Variants in TRRAP observed in about 807,000 individuals in gnomAD.
TRRAP encodes transformation/transcription domain-associated protein.
TRRAP carries 41 observed loss-of-function variants against 438.8 expected under a neutral mutation model. That is an observed-to-expected ratio of 0.09 (90% CI 0.07 to 0.12). The LOEUF (loss-of-function observed/expected upper bound fraction) is 0.12. Ranked by LOEUF, TRRAP falls within the 10% of genes least tolerant of loss-of-function variation. The probability of loss-of-function intolerance (pLI) is 1.00; values close to 1 mark genes in which losing one functional copy is unlikely to be tolerated. For missense variants in TRRAP, 3,122 were observed against 5,055.1 expected (o/e 0.62, Z 11.60); for synonymous variants, 1,994 against 1,962.9 (o/e 1.02, Z -0.42).
chr7:98,992,150 A>G lies in TRRAP; in HGVS notation c.9770A>G (p.Tyr3257Cys). 1.2e-6 allele frequency: 2 copies of G among 1,614,250 alleles called. No homozygotes were observed. The highest frequency in any genetic ancestry group is 1.1e-5 in the South Asian group (1 of 91,090). Residue 3257 changes from tyrosine to cysteine, a missense_variant, in exon 65 of 73, where the codon TAT becomes TGT. This residue lies in a region of TRRAP where 107 missense variants were observed against 327.5 expected (regional missense o/e 0.33). Coordinates refer to ENST00000456197, the MANE Select transcript of TRRAP (RefSeq NM_001375524.1). The part of the protein sequence containing the change: ...LNLISQVGRV[Y>C]PQAVYFPIRT... ...GTCTCTGAGCAGGTTGGACGCGTGT[A>G]TCCCCAAGCGGTCTACTTTCCCATC...
intron 67 of TRRAP, among the ~76,000 whole-genome samples, chr7:98,995,811 G>A (rs970199800): frequency 4.2e-5 from 6 of 141,780 alleles, no homozygotes; most frequent in East Asian, 2.2e-4. Flanking sequence ...CTACACACCC[G>A]CGTCCCATCT....
intron 45 of TRRAP, among the ~76,000 whole-genome samples, chr7:98,960,245 A>G (rs1318186915): frequency 2.0e-5 from 3 of 152,106 alleles, no homozygotes; most frequent in Non-Finnish European, 4.4e-5. Flanking sequence ...TAATTATCTT[A>G]TTTTGGTGGC....
intron 62 of TRRAP, among the ~76,000 whole-genome samples, chr7:98,987,551 A>T (rs1793205272): frequency 6.6e-6 from 1 of 152,182 alleles, no homozygotes; most frequent in Non-Finnish European, 1.5e-5. Flanking sequence ...TAGATTTCTC[A>T]ACCTTGCTGA....
chr7:98,930,704 T>C lies in TRRAP; in HGVS notation c.3465T>C (p.Tyr1155=), dbSNP rs1554412654. The C allele has an allele frequency of 2.5e-6, 4 of 1,614,246 alleles. No individual in the cohort carries two copies. The highest frequency in any genetic ancestry group is 1.1e-5 in the South Asian group (1 of 91,088). ...LCACCYEQAW[Y]AKLGGVVSIK... is the part of the protein sequence containing the mutation. ...CATGTTGTTATGAACAGGCGTGGTA[T>C]GCAAAGCTGGGGGGTGTGGTGTCTA... Residue 1155 remains tyrosine, a synonymous_variant, in exon 25 of 73, where the codon TAT becomes TAC. Coordinates refer to ENST00000456197, the MANE Select transcript of TRRAP (RefSeq NM_001375524.1).
chr7:98,921,664 C>T, intron 20 of TRRAP, 89 bp from the exon 21 acceptor site: 1 of 1,555,050 alleles, frequency 6.4e-7, no homozygotes, highest in East Asian at 2.3e-5. Flanking sequence ...GCATGAGCCA[C>T]TACGCCTGGC....
chr7:98,913,920 A>G (rs1187725988), intron 18 of TRRAP, among the ~76,000 whole-genome samples: 1 of 152,220 alleles, frequency 6.6e-6, no homozygotes, highest in African/African-American at 2.4e-5. Flanking sequence ...AGAAAATTGA[A>G]TATGTCAAAA....
chr7:98,930,653 T>C lies in TRRAP; in HGVS notation c.3414T>C (p.Phe1138=). 3.7e-6 allele frequency: 6 copies of C among 1,613,950 alleles called. No individual in the cohort carries two copies. Among genetic ancestry groups the C allele is most frequent in the Non-Finnish European group, 5.1e-6 (6 of 1,180,018 alleles). Residue 1138 remains phenylalanine, a synonymous_variant, in exon 25 of 73, where the codon TTT becomes TTC. Transcript: ENST00000456197. ...TCCAGGCCTGCCAGCTGCCCCTGTT[T>C]TCTTACATCGTGGAGCGCCTGTGTG... The part of the protein sequence containing the change: ...SKERACQLPL[F]SYIVERLCAC...
intron 8 of TRRAP, 34 bp downstream of exon 8, chr7:98,897,900 C>T (rs781891918): frequency 6.2e-7 from 1 of 1,611,402 alleles, no homozygotes; most frequent in Non-Finnish European, 8.5e-7. Context: ...CTACCCGTGG[C>T]TCCTGTAGTT....
Position 98,993,521 on chromosome 7 carries a change from G to T in TRRAP, c.9848-17G>T, listed in dbSNP as rs1215788953. The stretch of plus-strand genomic sequence containing the variant: ...TCGGTTTTGCGCTGACACTGGCGTT[G>T]TGTGTGTTGCTCTCAGATTCTGGAC... On this transcript the variant is annotated splice_polypyrimidine_tract_variant and intron_variant, in intron 65 of 72. Transcript: ENST00000456197. 6.2e-7 allele frequency: 1 copy of T among 1,606,518 alleles called. No homozygotes were observed. Among genetic ancestry groups the T allele is most frequent in the African/African-American group, 1.3e-5 (1 of 75,048 alleles).
chr7:98,891,622 G>A (rs1179660784), intron 4 of TRRAP, among the ~76,000 whole-genome samples: 3 of 146,316 alleles, frequency 2.1e-5, no homozygotes, highest in Non-Finnish European at 3.0e-5. Context: ...TGCGAGCTCC[G>A]CCTCCCGGGT....
At position 98,910,258 on chromosome 7, in the gene TRRAP, C is replaced by CCCCCCCTT; in HGVS notation, c.1553_1554insCCCCCCTT (p.Val519ProfsTer4). On this transcript the variant is annotated frameshift_variant, in exon 15 of 73. Coordinates refer to ENST00000456197, the MANE Select transcript of TRRAP (RefSeq NM_001375524.1). LOFTEE classifies it high-confidence loss of function. ...CCGCCCCCACCCCCACCTGCCACCC[C>CCCCCCCTT]TGTGACCCCGGCCCCCGTGCCTCCC... is the stretch of plus-strand genomic sequence containing the variant. 6.3e-7 allele frequency: 1 copy of CCCCCCCTT among 1,577,500 alleles called. No individual in the cohort carries two copies.
At chr7:99,002,001 A>G (rs1248976114) in intron 67 of TRRAP, among the ~76,000 whole-genome samples, 3 of 152,174 alleles carry the variant, frequency 2.0e-5, no homozygotes, top group Non-Finnish European at 4.4e-5. Flanking sequence ...CCTCCAGGAA[A>G]TCATGCTGAG....
intron 67 of TRRAP, among the ~76,000 whole-genome samples, chr7:98,997,817 T>C (rs1347939845): frequency 3.9e-5 from 6 of 152,206 alleles, no homozygotes; most frequent in Non-Finnish European, 8.8e-5. Context: ...TGAATCGAAC[T>C]TAAATTCTTC....
Position 98,967,061 on chromosome 7 carries a change from G to A in TRRAP, c.7197G>A (p.Lys2399=). The A allele has an allele frequency of 6.2e-7, 1 of 1,613,888 alleles. No individual in the cohort carries two copies. The highest frequency in any genetic ancestry group is 1.1e-5 in the South Asian group (1 of 91,044). ...AANQTPTLRE[K]SILLVKMMTY... ...TACAGACACCTACACTCCGGGAGAA[G>A]TCCATTTTGCTTGTGAAGATGATGA... The change falls in exon 50 of 73, where the codon AAG becomes AAA. Residue 2399 remains lysine (K), a synonymous_variant. Coordinates refer to ENST00000456197, the MANE Select transcript of TRRAP (RefSeq NM_001375524.1).
chr7:98,987,398 ATGTT>A (rs1360178654), intron 62 of TRRAP, among the ~76,000 whole-genome samples: 3 of 152,284 alleles, frequency 2.0e-5, no homozygotes, highest in Non-Finnish European at 2.9e-5. Flanking sequence ...TAATTCAACA[ATGTT>A]TTTTAGTTTT....
At position 98,910,057 on chromosome 7, in the gene TRRAP, T is replaced by G; in HGVS notation, c.1352T>G (p.Val451Gly). 6.5e-7 allele frequency: 1 copy of G among 1,539,242 alleles called. No individual in the cohort carries two copies. The highest frequency in any genetic ancestry group is 8.8e-7 in the Non-Finnish European group (1 of 1,141,748). The change falls in exon 15 of 73, where the codon GTT becomes GGT. Residue 451 changes from valine (V) to glycine (G), a missense_variant and splice_region_variant. Around this residue, in one of 24 missense-constraint regions of TRRAP, gnomAD observed 343 missense variants for 564.0 expected, o/e 0.61. Transcript: ENST00000456197. The part of the protein sequence containing the change: ...GRDVLMRMLE[V>G]FVLKFHTIAR... ...CTCTTGAATTTCTCTTCCCGTTAGG[T>G]TTTCGTTCTCAAATTCCACACAATT...
rs1554408885 is a variant in TRRAP, at chr7:98,912,130, C to T, written c.2116C>T (p.Leu706Phe). The change falls in exon 18 of 73, where the codon CTC (leucine) becomes TTC (phenylalanine). Residue 706 changes from leucine to phenylalanine, a missense_variant. Transcript: ENST00000456197. ...GCCAGAAATGGGCTCCAACGTGGAG[C>T]TCTCCAACCTGTACCTCAAGCTGTT... ...RLPEMGSNVE[L>F]SNLYLKLFKL... 2 of 1,614,184 alleles carry T rather than the reference C, an allele frequency of 1.2e-6. No homozygotes were observed. Among genetic ancestry groups the T allele is most frequent in the Non-Finnish European group, 8.5e-7 (1 of 1,180,040 alleles).
Position 98,962,350 on chromosome 7 carries a change from C to A in TRRAP, c.6752C>A (p.Ala2251Glu). 6.2e-7 allele frequency: 1 copy of A among 1,614,224 alleles called. No individual in the cohort carries two copies. Among genetic ancestry groups the A allele is most frequent in the Non-Finnish European group, 8.5e-7 (1 of 1,180,050 alleles). ...SKYEELECLY[A>E]AVGKVIYEGL... ...TATGAAGAGCTGGAGTGCCTCTACGCAGCCGTCGGAAAGGTCATCTATGAA... is the reference window on the plus strand; with the variant it reads ...TATGAAGAGCTGGAGTGCCTCTACGAAGCCGTCGGAAAGGTCATCTATGAA... The change falls in exon 47 of 73, where the codon GCA becomes GAA. Residue 2251 changes from alanine to glutamate, a missense_variant. Coordinates refer to ENST00000456197, the MANE Select transcript of TRRAP (RefSeq NM_001375524.1).
Position 98,959,397 on chromosome 7 carries a change from G to C in TRRAP, c.6396G>C (p.Arg2132=). Residue 2132 remains arginine (R), a synonymous_variant, in exon 45 of 73, where the codon CGG becomes CGC. Coordinates refer to ENST00000456197, the MANE Select transcript of TRRAP (RefSeq NM_001375524.1). Reference sequence around the variant, plus strand: ...CCCCTGGGGAGGTGCTCTCTCGCCGGTGTGTGAACCTTCTGAAGACTGCGT... The same window carrying C: ...CCCCTGGGGAGGTGCTCTCTCGCCGCTGTGTGAACCTTCTGAAGACTGCGT... ...AGSPGEVLSR[R]CVNLLKTALR... is the part of the protein sequence containing the mutation. 6.2e-7 allele frequency: 1 copy of C among 1,614,120 alleles called. No individual in the cohort carries two copies. The highest frequency in any genetic ancestry group is 1.1e-5 in the South Asian group (1 of 91,074).
Sources: allele counts gnomAD v4.1 joint callset (sites outside exome capture counted in the v4.1 genomes callset), GRCh38; gene constraint gnomAD v4.1.1; regional missense constraint gnomAD v4.1.1; transcripts MANE v1.5; gene names NCBI Gene and HGNC (gene_info 2026-07-23, HGNC 2026-07-21).